RCBTB2: variants seen among roughly 807,000 people sequenced by gnomAD.
The protein encoded by RCBTB2 is RCC1 and BTB domain containing protein 2.
Under a neutral mutation model 65.4 loss-of-function variants are expected in RCBTB2, and 55 were observed. The ratio of observed to expected loss-of-function variants is 0.84; its 90% CI spans 0.68 to 1.05. RCBTB2 has a LOEUF of 1.05. Among genes scored for constraint, RCBTB2 ranks in the 50% least tolerant of loss-of-function variants. The pLI is 0.00. For missense variants in RCBTB2, 599 were observed against 680.1 expected, an observed-to-expected ratio of 0.88 and a Z score of 1.33; for synonymous variants, 220 against 255.2, an observed-to-expected ratio of 0.86 and a Z score of 1.31.
At chr13:48,526,267 G>T (rs1170625286) in intron 1 of RCBTB2, among the ~76,000 whole-genome samples, 1 of 152,128 alleles carries the variant, frequency 6.6e-6, no homozygotes, top group African/African-American at 2.4e-5. Flanking sequence ...CCCTAGGAAG[G>T]CCAGGCATGG....
rs1593558120 is a variant in RCBTB2, at chr13:48,489,350, T to C, written c.*761A>G. On this transcript the variant is annotated 3_prime_UTR_variant, in exon 15 of 15. Coordinates refer to ENST00000344532, the MANE Select transcript of RCBTB2 (RefSeq NM_001268.4). ...TAACACAAAGAAAAGCAAAGGACCT[T>C]ATGTGATTATGTAAGGCAGATCAGC... 1 of 152,238 alleles carries C rather than the reference T, an allele frequency of 6.6e-6. No homozygotes were observed. The highest frequency in any genetic ancestry group is 1.9e-4 in the East Asian group (1 of 5,204). The allele number at this position is 152,238 out of a possible 1,614,324, so 9.4% of individuals were successfully genotyped here. A position where few individuals can be genotyped will look rare whatever the true frequency, so the allele number is the denominator to read the frequency against.
chr13:48,513,549 A>T (rs1312261862), intron 6 of RCBTB2, among the ~76,000 whole-genome samples: 1 of 152,196 alleles, frequency 6.6e-6, no homozygotes, highest in Non-Finnish European at 1.5e-5. Flanking sequence ...TTATATTCTG[A>T]ATAGTGACTT....
At chr13:48,535,696 A>G (rs563151369), upstream of RCBTB2, 12 of 456,740 alleles carry the variant, frequency 2.6e-5, no homozygotes, top group African/African-American at 2.4e-4. Flanking sequence ...AACTATCAGC[A>G]GCATTAGAAG....
chr13:48,512,911 A>C lies in RCBTB2; in HGVS notation c.350-16T>G, dbSNP rs140144103. 122 of 1,597,770 alleles carry C rather than the reference A, an allele frequency of 7.6e-5. No homozygotes were observed. Among genetic ancestry groups the C allele is most frequent in the Non-Finnish European group, 9.6e-5 (112 of 1,170,246 alleles). ...ACTTCTCCTTCTGAAAATAAAAAGAAAGACAATCAGTTTTTTACAACATCT... is the reference window on the plus strand; with the variant it reads ...ACTTCTCCTTCTGAAAATAAAAAGACAGACAATCAGTTTTTTACAACATCT... On this transcript the variant is annotated splice_polypyrimidine_tract_variant and intron_variant, in intron 6 of 14. Transcript: ENST00000344532.
chr13:48,498,593 G>A (rs1338347826), intron 13 of RCBTB2, among the ~76,000 whole-genome samples: 1 of 152,126 alleles, frequency 6.6e-6, no homozygotes, highest in Non-Finnish European at 1.5e-5. Flanking sequence ...AGCCAGGCGT[G>A]GTGGTGCATG....
intron 13 of RCBTB2, among the ~76,000 whole-genome samples, chr13:48,498,466 C>G (rs1950075138): frequency 6.6e-6 from 1 of 152,198 alleles, no homozygotes; most frequent in Non-Finnish European, 1.5e-5. Flanking sequence ...CGCAGTGGCT[C>G]ACGCCTGTAA....
chr13:48,515,732 C>T lies in RCBTB2; in HGVS notation c.52G>A (p.Ala18Thr), dbSNP rs1566308522. 1.9e-6 allele frequency: 3 copies of T among 1,593,140 alleles called. No individual in the cohort carries two copies. The highest frequency in any genetic ancestry group is 1.4e-5 in the African/African-American group (1 of 73,418). The stretch of plus-strand genomic sequence containing the variant: ...AACATCTTCAAAGATGACAGAGTAG[C>T]CTGTACTGGCTGAAAAGGAAAAAAT... The part of the protein sequence containing the change: ...FSGDSGKPVQ[A>T]TLSSLKMLDV... The change falls in exon 5 of 15, where the codon GCT (alanine) becomes ACT (threonine). Residue 18 changes from alanine to threonine, a missense_variant. Physicochemically the swap from Ala to Thr is moderately conservative, Grantham distance 58. Transcript: ENST00000344532.
intron 4 of RCBTB2, among the ~76,000 whole-genome samples, chr13:48,517,542 A>T (rs544280857): frequency 6.6e-6 from 1 of 152,346 alleles, no homozygotes; most frequent in East Asian, 1.9e-4. Context: ...ATTAACTTGT[A>T]TCCAAAGTAA....
intron 1 of RCBTB2, among the ~76,000 whole-genome samples, chr13:48,525,428 A>G (rs1021027727): frequency 1.4e-5 from 2 of 144,470 alleles, no homozygotes; most frequent in African/African-American, 5.0e-5. Flanking sequence ...ATTCAGTTAT[A>G]TATGTATATA....
At chr13:48,533,826 T>A (rs9316395), upstream of RCBTB2, among the ~76,000 whole-genome samples, 68,360 of 152,160 alleles carry the variant, frequency 0.45, 20,034 homozygotes, top group African/African-American at 0.85. Context: ...GGGTTTTGGT[T>A]AAATGCTCAA....
upstream of RCBTB2, among the ~76,000 whole-genome samples, chr13:48,533,992 T>C (rs1483506009): frequency 2.6e-5 from 4 of 152,202 alleles, no homozygotes; most frequent in East Asian, 7.7e-4. Flanking sequence ...TGTCAGTCTG[T>C]TTCGTCTGGC....
intron 10 of RCBTB2, 54 bp downstream of exon 10, chr13:48,510,575 T>C: frequency 6.3e-7 from 1 of 1,583,176 alleles, no homozygotes; most frequent in Non-Finnish European, 8.7e-7. Context: ...CTAAGTCCTG[T>C]TTAATCACAA....
chr13:48,502,791 G>A lies in RCBTB2; in HGVS notation c.1050C>T (p.Phe350=), dbSNP rs1950300495. ...AGGCAAACACGTCGTCAGTGCAGGA[G>A]AAGTGGGTGAGGTGCGGGAGGATCA... is the stretch of plus-strand genomic sequence containing the variant. ...QSVILPHLTH[F]SCTDDVFACF... is the part of the protein sequence containing the mutation. The change falls in exon 11 of 15, where the codon TTC becomes TTT. Residue 350 remains phenylalanine (F), a synonymous_variant. Transcript: ENST00000344532. 6.2e-7 allele frequency: 1 copy of A among 1,614,096 alleles called. No individual in the cohort carries two copies. The highest frequency in any genetic ancestry group is 8.5e-7 in the Non-Finnish European group (1 of 1,180,036).
In RCBTB2 at chr13:48,515,910, C is replaced by T. The variant is rs73479247; in HGVS notation, c.43-169G>A. ...ATTGCCTCTGCCAGCTGCTTTTGGG[C>T]GGCTCACAGCCATCGAGCAGCGGAG... On this transcript the variant is annotated intron_variant, in intron 4 of 14. Transcript: ENST00000344532. Among the ~76,000 whole-genome samples the T allele has an allele frequency of 4.4e-3, 665 of 152,334 alleles. 3 individuals carry two copies. The highest frequency in any genetic ancestry group is 0.015 in the African/African-American group (629 of 41,568).
chr13:48,511,142 C>A (rs1950770134), intron 9 of RCBTB2, among the ~76,000 whole-genome samples: 1 of 151,980 alleles, frequency 6.6e-6, no homozygotes, highest in Non-Finnish European at 1.5e-5. Context: ...TAAAAGTACT[C>A]TGAATATCAG....
intron 4 of RCBTB2, among the ~76,000 whole-genome samples, chr13:48,521,177 T>C (rs1332950846): frequency 6.6e-6 from 1 of 152,222 alleles, no homozygotes; most frequent in Non-Finnish European, 1.5e-5. Context: ...TGGACTTTCC[T>C]ACAAGGGCTC....
At chr13:48,531,088 C>G (rs1952091228) in intron 1 of RCBTB2, among the ~76,000 whole-genome samples, 1 of 152,172 alleles carries the variant, frequency 6.6e-6, no homozygotes, top group African/African-American at 2.4e-5. Context: ...TTTTTCATAG[C>G]ATTTGTACTT....
At chr13:48,499,150 T>A (rs971518600) in intron 13 of RCBTB2, among the ~76,000 whole-genome samples, 64 of 127,340 alleles carry the variant, frequency 5.0e-4, no homozygotes, top group African/African-American at 1.5e-3. Context: ...ACACTCTCTC[T>A]CTCTCTCTCT....
intron 1 of RCBTB2, among the ~76,000 whole-genome samples, chr13:48,529,698 T>C (rs1852781789): frequency 6.6e-6 from 1 of 152,174 alleles, no homozygotes; most frequent in South Asian, 2.1e-4. Context: ...GCTGGAAGTA[T>C]CATCTCAGCC....
Sources: gnomAD v4.1 joint callset for allele counts (sites outside exome capture counted in the v4.1 genomes callset) on GRCh38, gnomAD v4.1.1 for gene constraint, MANE v1.5 for transcripts, NCBI Gene and HGNC (gene_info 2026-07-23, HGNC 2026-07-21) for gene names.